The following FAF2 variants were observed in gnomAD, a reference collection of about 807,000 sequenced individuals.
FAF2 encodes the protein Fas associated factor family member 2.
Under a neutral mutation model 62.3 loss-of-function variants are expected in FAF2, and 9 were observed. The observed-to-expected ratio is 0.14, with a 90% confidence interval of 0.09 to 0.25. FAF2 has a LOEUF of 0.25. FAF2 is among the 10% of genes least tolerant of loss of function. FAF2 has a pLI of 1.00. For missense variants in FAF2, 368 were observed against 556.2 expected (o/e 0.66, Z 3.40); for synonymous variants, 202 against 198.0 (o/e 1.02, Z -0.17).
chr5:176,479,701 G>A (rs1483747751), intron 2 of FAF2, among the ~76,000 whole-genome samples: 2 of 151,786 alleles, frequency 1.3e-5, no homozygotes, highest in Admixed American at 1.3e-4. Context: ...TAATGCCTCT[G>A]ATTTTTTTTT....
Position 176,448,440 on chromosome 5 carries a change from G to T in FAF2, c.33G>T (p.Gln11His). Residue 11 changes from glutamine (Q) to histidine (H), a missense_variant, in exon 1 of 11, where the codon CAG becomes CAT. By Grantham distance (24) the Gln-to-His change is conservative. Around this residue, in one of 2 missense-constraint regions of FAF2, gnomAD observed 331 missense variants for 441.9 expected, o/e 0.75. Coordinates refer to ENST00000261942, the MANE Select transcript of FAF2 (RefSeq NM_014613.3). ...CGCCTGAGGAGCGGGATCTAACCCA[G>T]GAGCAGACAGAGAAGCTGCTGCAGT... MAAPEERDLT[Q>H]EQTEKLLQFQ... 1 of 1,607,146 alleles carries T rather than the reference G, an allele frequency of 6.2e-7. No individual in the cohort carries two copies. The highest frequency in any genetic ancestry group is 1.1e-5 in the South Asian group (1 of 89,884).
intron 10 of FAF2, among the ~76,000 whole-genome samples, chr5:176,502,213 C>CTAGCA (rs1170466731): frequency 6.6e-6 from 1 of 152,204 alleles, no homozygotes; most frequent in African/African-American, 2.4e-5. Flanking sequence ...TTCATGTTCA[C>CTAGCA]TAGCAATTTT....
chr5:176,481,454 G>A (rs1023559909), intron 2 of FAF2, among the ~76,000 whole-genome samples: 2 of 152,050 alleles, frequency 1.3e-5, no homozygotes, highest in South Asian at 2.1e-4. Context: ...TCAGGAGAAC[G>A]AGATCATCCT....
In FAF2 at chr5:176,509,354, G is replaced by A. The variant is rs1755739191; in HGVS notation, c.*2404G>A. 1 of 152,152 alleles carries A rather than the reference G, an allele frequency of 6.6e-6. No individual in the cohort carries two copies. The highest frequency in any genetic ancestry group is 2.1e-4 in the South Asian group (1 of 4,832). 9.4% of individuals were successfully genotyped at this position (152,152 alleles called of 1,614,324 possible). On this transcript the variant is annotated 3_prime_UTR_variant, in exon 11 of 11. Transcript: ENST00000261942. ...TTGGGATTTTGATGAGACCTGCGAG[G>A]GAGAAGACACTGAGAAGCCAGTGAT... is the stretch of plus-strand genomic sequence containing the variant.
chr5:176,454,440 T>C (rs1186918835), intron 1 of FAF2, among the ~76,000 whole-genome samples: 1 of 151,706 alleles, frequency 6.6e-6, no homozygotes, highest in African/African-American at 2.4e-5. Context: ...TAGCCCAGTG[T>C]GGTGGCACAG....
At chr5:176,505,216 A>C (rs1755655521) in intron 10 of FAF2, among the ~76,000 whole-genome samples, 1 of 152,170 alleles carries the variant, frequency 6.6e-6, no homozygotes, top group Non-Finnish European at 1.5e-5. Flanking sequence ...GATCTGAATG[A>C]GGTTGGCAGA....
chr5:176,503,890 G>A (rs769711390), intron 10 of FAF2, among the ~76,000 whole-genome samples: 9 of 151,836 alleles, frequency 5.9e-5, no homozygotes, highest in Admixed American at 1.3e-4. Context: ...GGCCGAGTGC[G>A]GTGGCTCATG....
At chr5:176,460,043 T>C (rs1331659796) in intron 1 of FAF2, among the ~76,000 whole-genome samples, 1 of 152,212 alleles carries the variant, frequency 6.6e-6, no homozygotes, top group Non-Finnish European at 1.5e-5. Flanking sequence ...TACATCCATG[T>C]TGCTGCAAAG....
At chr5:176,488,222 T>C (rs1202320701) in intron 3 of FAF2, among the ~76,000 whole-genome samples, 2 of 151,578 alleles carry the variant, frequency 1.3e-5, no homozygotes, top group Admixed American at 6.6e-5. Flanking sequence ...AGGTGATCCA[T>C]CCGCCTCAGC....
chr5:176,451,450 T>C (rs6556271), intron 1 of FAF2, among the ~76,000 whole-genome samples: 125,849 of 151,874 alleles, frequency 0.83, 52,283 homozygotes, highest in African/African-American at 0.9. Flanking sequence ...GCCTCAGAGG[T>C]TGAGATTACA....
intron 1 of FAF2, among the ~76,000 whole-genome samples, chr5:176,463,661 A>C (rs1276313593): frequency 6.6e-6 from 1 of 152,040 alleles, no homozygotes; most frequent in Non-Finnish European, 1.5e-5. Flanking sequence ...AGCTAAACCT[A>C]AGAAAGATGC....
intron 2 of FAF2, among the ~76,000 whole-genome samples, chr5:176,483,893 C>T (rs1169324790): frequency 1.3e-5 from 2 of 151,812 alleles, no homozygotes; most frequent in Non-Finnish European, 2.9e-5. Flanking sequence ...TGGCCAACAT[C>T]GTGAAACCCC....
chr5:176,492,760 C>T (rs1344276399), intron 5 of FAF2, among the ~76,000 whole-genome samples: 1 of 152,240 alleles, frequency 6.6e-6, no homozygotes, highest in East Asian at 1.9e-4. Flanking sequence ...CCTATCTCAT[C>T]ATCTAGAATA....
chr5:176,493,921 A>G lies in FAF2; in HGVS notation c.484-78A>G, dbSNP rs760254662. ...CTTTTGTTCCTAAATACATAACTGTATCCATTAGGACCCTTAGCTTAAATA... is the reference window on the plus strand; with the variant it reads ...CTTTTGTTCCTAAATACATAACTGTGTCCATTAGGACCCTTAGCTTAAATA... On this transcript the variant is annotated intron_variant, in intron 5 of 10. Coordinates refer to ENST00000261942, the MANE Select transcript of FAF2 (RefSeq NM_014613.3). The G allele has an allele frequency of 1.6e-4, 149 of 922,694 alleles. 1 individual carries two copies. The highest frequency in any genetic ancestry group is 3.1e-5 in the Non-Finnish European group (18 of 583,470). The allele number at this position is 922,694 out of a possible 1,614,324, so 57.2% of individuals were successfully genotyped here.
At chr5:176,478,495 G>T (rs1043912451) in intron 1 of FAF2, among the ~76,000 whole-genome samples, 2 of 152,070 alleles carry the variant, frequency 1.3e-5, no homozygotes, top group Non-Finnish European at 2.9e-5. Flanking sequence ...AAAGTGGCGG[G>T]GGGTAGGGGG....
chr5:176,481,352 TTTTC>T (rs1378964023), intron 2 of FAF2, among the ~76,000 whole-genome samples: 2 of 152,070 alleles, frequency 1.3e-5, no homozygotes, highest in East Asian at 3.9e-4. Context: ...GGCCTTGTTT[TTTTC>T]TTTCTAAGAG....
chr5:176,508,421 C>T lies in FAF2; in HGVS notation c.*1471C>T, dbSNP rs1755722703. On this transcript the variant is annotated 3_prime_UTR_variant, in exon 11 of 11. Coordinates refer to ENST00000261942, the MANE Select transcript of FAF2 (RefSeq NM_014613.3). Reference sequence around the variant, plus strand: ...GGGTTCAGATCAACATAAAGCCTAACTTGCTGGAGTTGTAGTCTCAAGGCT... The same window carrying T: ...GGGTTCAGATCAACATAAAGCCTAATTTGCTGGAGTTGTAGTCTCAAGGCT... The T allele has an allele frequency of 6.6e-6, 1 of 152,172 alleles. No homozygotes were observed. The highest frequency in any genetic ancestry group is 1.5e-5 in the Non-Finnish European group (1 of 68,042). The allele number at this position is 152,172 out of a possible 1,614,324, so 9.4% of individuals were successfully genotyped here. A position where few individuals can be genotyped will look rare whatever the true frequency, so the allele number is the denominator to read the frequency against.
chr5:176,454,272 A>T (rs1311937035), intron 1 of FAF2, among the ~76,000 whole-genome samples: 1 of 151,896 alleles, frequency 6.6e-6, no homozygotes, highest in East Asian at 1.9e-4. Flanking sequence ...ATGCACCTGT[A>T]ATCCCAGCTA....
chr5:176,481,597 C>T (rs1758784972), intron 2 of FAF2, among the ~76,000 whole-genome samples: 1 of 151,794 alleles, frequency 6.6e-6, no homozygotes, highest in Admixed American at 6.6e-5. Context: ...GCAGAGCTTG[C>T]AGTGAGCTGA....
Sources: gnomAD v4.1 joint callset for allele counts (sites outside exome capture counted in the v4.1 genomes callset) on GRCh38, gnomAD v4.1.1 for gene constraint, gnomAD v4.1.1 regional missense constraint, MANE v1.5 for transcripts, NCBI Gene and HGNC (gene_info 2026-07-23, HGNC 2026-07-21) for gene names.